Variants in RAB6B observed in about 807,000 individuals in gnomAD.
RAB6B encodes ras-related protein Rab-6B.
A neutral mutation model predicts 31.2 loss-of-function variants in RAB6B; 7 were observed. That is an observed-to-expected ratio of 0.22 (90% CI 0.13 to 0.42). RAB6B has a LOEUF of 0.42. RAB6B is among the 10% of genes least tolerant of loss of function. The pLI, the probability that RAB6B is intolerant of heterozygous loss-of-function variation, is 1.00. For missense variants in RAB6B, 149 were observed against 280.6 expected (o/e 0.53, Z 3.35); for synonymous variants, 105 against 104.9 (o/e 1.00, Z -0.01).
At chr3:133,839,091 C>G (rs374321917) in intron 5 of RAB6B, among the ~76,000 whole-genome samples, 2 of 152,234 alleles carry the variant, frequency 1.3e-5, no homozygotes, top group African/African-American at 4.8e-5. Context: ...CACCTAGGGC[C>G]CAGGGCATTC....
intron 2 of RAB6B, among the ~76,000 whole-genome samples, chr3:133,843,911 C>T (rs1935872272): frequency 1.3e-5 from 2 of 152,218 alleles, no homozygotes; most frequent in Non-Finnish European, 2.9e-5. Context: ...TGAGGAGCTA[C>T]TTCAGCAGCG....
intron 1 of RAB6B, among the ~76,000 whole-genome samples, chr3:133,894,158 C>T (rs114899554): frequency 1.3e-3 from 201 of 152,348 alleles, no homozygotes; most frequent in East Asian, 6.4e-3. Context: ...TTTTGGGCCC[C>T]CTTGTCAGAG....
intron 1 of RAB6B, among the ~76,000 whole-genome samples, chr3:133,890,357 C>A (rs1936620657): frequency 6.6e-6 from 1 of 152,158 alleles, no homozygotes; most frequent in South Asian, 2.1e-4. Context: ...ATAATCCCAG[C>A]ACTCTGGGAG....
chr3:133,828,442 CAAA>C lies in RAB6B; in HGVS notation c.*343_*345del, dbSNP rs896510342. On this transcript the variant is annotated 3_prime_UTR_variant, in exon 8 of 8. Coordinates refer to ENST00000285208, the MANE Select transcript of RAB6B (RefSeq NM_016577.4). ...CTATAAGTTTACAAATATACAAAAA[CAAA>C]AAGCACATCTTTCAAATAAAAATGA... The C allele has an allele frequency of 3.9e-5, 15 of 386,782 alleles. No homozygotes were observed. Among genetic ancestry groups the C allele is most frequent in the African/African-American group, 2.7e-4 (13 of 47,342 alleles). 24.0% of individuals were successfully genotyped at this position (386,782 alleles called of 1,614,324 possible). A position where few individuals can be genotyped will look rare whatever the true frequency, so the allele number is the denominator to read the frequency against.
At chr3:133,883,468 G>T (rs1576410079) in intron 1 of RAB6B, among the ~76,000 whole-genome samples, 1 of 152,254 alleles carries the variant, frequency 6.6e-6, no homozygotes, top group African/African-American at 2.4e-5. Context: ...ACCCTGCCCG[G>T]ACCTTGACCC....
At chr3:133,867,649 C>T (rs1319770221) in intron 1 of RAB6B, among the ~76,000 whole-genome samples, 1 of 152,134 alleles carries the variant, frequency 6.6e-6, no homozygotes, top group Non-Finnish European at 1.5e-5. Context: ...CCGTCCCAGG[C>T]CAAGTCTGGA....
In RAB6B at chr3:133,864,564, G is replaced by A. The variant is rs772669176; in HGVS notation, c.129+20C>T. 17 of 1,611,564 alleles carry A rather than the reference G, an allele frequency of 1.1e-5. No homozygotes were observed. Among genetic ancestry groups the A allele is most frequent in the African/African-American group, 2.7e-5 (2 of 74,846 alleles). On this transcript the variant is annotated intron_variant, in intron 2 of 7. Transcript: ENST00000285208. ...CAGCCACTGCCAGATGATATGGAGG[G>A]TGAGCACCCAGGACCTCACCTGGTA...
chr3:133,837,488 T>A (rs1166818506), intron 6 of RAB6B, among the ~76,000 whole-genome samples: 2 of 152,208 alleles, frequency 1.3e-5, no homozygotes, highest in African/African-American at 4.8e-5. Context: ...ACTGCTAATG[T>A]GACTGAGTGT....
intron 1 of RAB6B, among the ~76,000 whole-genome samples, chr3:133,889,894 T>C (rs1450720642): frequency 6.6e-6 from 1 of 152,212 alleles, no homozygotes; most frequent in Non-Finnish European, 1.5e-5. Flanking sequence ...CAAGTTCTCT[T>C]GCTATGCATC....
At chr3:133,840,996 T>C (rs935851805) in intron 4 of RAB6B, among the ~76,000 whole-genome samples, 27 of 152,100 alleles carry the variant, frequency 1.8e-4, no homozygotes, top group Admixed American at 1.8e-3. Flanking sequence ...AGGGCCAACC[T>C]TGTGAGCATC....
Position 133,828,795 on chromosome 3 carries a change from G to C in RAB6B, c.620C>G (p.Ser207Cys). 6.2e-7 allele frequency: 1 copy of C among 1,611,496 alleles called. No individual in the cohort carries two copies. The highest frequency in any genetic ancestry group is 8.5e-7 in the Non-Finnish European group (1 of 1,178,114). Residue 207 changes from serine to cysteine, a missense_variant, in exon 8 of 8, where the codon TCC becomes TGC. Transcript: ENST00000285208. ...CCACAGGTCGGCTCTGCATTAGCAG[G>C]AGCAGCCGCCCTCGCTGGCCGGGGG... The part of the protein sequence containing the change: ...QEPPASEGGC[S>C]C
chr3:133,829,219 T>C (rs1026347132), intron 7 of RAB6B, among the ~76,000 whole-genome samples: 3 of 152,148 alleles, frequency 2.0e-5, no homozygotes, highest in African/African-American at 7.2e-5. Context: ...CAAAGTGCAA[T>C]GGAGATGAAG....
At chr3:133,851,677 G>A (rs1361303998) in intron 2 of RAB6B, among the ~76,000 whole-genome samples, 1 of 152,172 alleles carries the variant, frequency 6.6e-6, no homozygotes, top group Non-Finnish European at 1.5e-5. Context: ...ACAAGAAAAG[G>A]GGGGAGTGGC....
intron 6 of RAB6B, among the ~76,000 whole-genome samples, chr3:133,835,771 C>T (rs768703367): frequency 1.3e-5 from 2 of 151,844 alleles, no homozygotes; most frequent in Non-Finnish European, 2.9e-5. Flanking sequence ...TGAATGAGGC[C>T]CGAGGGAGCC....
intron 2 of RAB6B, among the ~76,000 whole-genome samples, chr3:133,861,230 G>C (rs954110393): frequency 1.3e-5 from 2 of 152,222 alleles, no homozygotes; most frequent in African/African-American, 4.8e-5. Flanking sequence ...TTTTATATGA[G>C]AGAACCACTG....
intron 2 of RAB6B, among the ~76,000 whole-genome samples, chr3:133,842,000 T>G (rs986853158): frequency 2.0e-5 from 3 of 152,144 alleles, no homozygotes; most frequent in African/African-American, 7.2e-5. Flanking sequence ...CCTCCCCACC[T>G]GGACTCCCTG....
At position 133,827,076 on chromosome 3, in the gene RAB6B, G is replaced by A; in HGVS notation, c.*1712C>T. On this transcript the variant is annotated 3_prime_UTR_variant, in exon 8 of 8. Coordinates refer to ENST00000285208, the MANE Select transcript of RAB6B (RefSeq NM_016577.4). ...TCACCTGAAGATAAATTCCTTGCTA[G>A]AGATGAGCTCTGGCATACAGCCTCC... is the stretch of plus-strand genomic sequence containing the variant. 1 of 152,666 alleles carries A rather than the reference G, an allele frequency of 6.6e-6. No homozygotes were observed. Among genetic ancestry groups the A allele is most frequent in the East Asian group, 1.9e-4 (1 of 5,206 alleles). The allele number at this position is 152,666 out of a possible 1,614,324, so 9.5% of individuals were successfully genotyped here.
At chr3:133,857,931 G>C (rs1188742223) in intron 2 of RAB6B, among the ~76,000 whole-genome samples, 2 of 152,124 alleles carry the variant, frequency 1.3e-5, no homozygotes, top group Non-Finnish European at 2.9e-5. Flanking sequence ...AGCCCTGCAT[G>C]GTTCCTCCCT....
chr3:133,888,515 A>G (rs1936585853), intron 1 of RAB6B, among the ~76,000 whole-genome samples: 1 of 152,206 alleles, frequency 6.6e-6, no homozygotes, highest in Non-Finnish European at 1.5e-5. Context: ...TCCCTTAGGT[A>G]TGTCAGCCCC....
Sources: allele counts gnomAD v4.1 joint callset (sites outside exome capture counted in the v4.1 genomes callset), GRCh38; gene constraint gnomAD v4.1.1; transcripts MANE v1.5; gene names NCBI Gene and HGNC (gene_info 2026-07-23, HGNC 2026-07-21).